TNRC18: variants seen among roughly 807,000 people sequenced by gnomAD.
TNRC18 encodes trinucleotide repeat-containing gene 18 protein.
A neutral mutation model predicts 226.7 loss-of-function variants in TNRC18; 69 were observed. That is an observed-to-expected ratio of 0.30 (90% CI 0.25 to 0.37). The LOEUF is 0.37. Ranked by LOEUF, TNRC18 falls within the 10% of genes least tolerant of loss-of-function variation. The pLI, the probability that TNRC18 is intolerant of heterozygous loss-of-function variation, is 1.00. For synonymous variants in TNRC18, 2,449 were observed against 1,927.6 expected (o/e 1.27, Z -7.09); for missense variants, 4,754 against 4,256.6 (o/e 1.12, Z -3.25).
Position 5,351,829 on chromosome 7 carries a change from C to T in TNRC18, c.5460G>A (p.Ser1820=), listed in dbSNP as rs747508822. 1.9e-6 allele frequency: 3 copies of T among 1,586,150 alleles called. No individual in the cohort carries two copies. Among genetic ancestry groups the T allele is most frequent in the East Asian group, 2.2e-5 (1 of 44,550 alleles). ...TTTGGAGCTAGTAACCTTGGTCAAA[C>T]GATTCCTCCGAAGAGTCGCTGAAGG... ...RSSFSDSSEE[S]FDQDESSEEE... is the part of the protein sequence containing the mutation. Residue 1820 remains serine (S), a synonymous_variant, in exon 17 of 30, where the codon TCG becomes TCA. Transcript: ENST00000430969.
intron 19 of TNRC18, among the ~76,000 whole-genome samples, chr7:5,326,639 C>T (rs1456965080): frequency 1.3e-5 from 2 of 151,984 alleles, no homozygotes; most frequent in African/African-American, 2.4e-5. Context: ...AAAAGGGACA[C>T]GTCTAAAACA....
intron 23 of TNRC18, 50 bp downstream of exon 23, chr7:5,320,482 G>A: frequency 6.4e-7 from 1 of 1,569,250 alleles, no homozygotes; most frequent in Non-Finnish European, 8.6e-7. Flanking sequence ...CATGGCCTTG[G>A]ACACCCAGCC....
intron 18 of TNRC18, 44 bp downstream of exon 18, chr7:5,345,518 C>CCCCCCCCCCCCCCCCCCCCCCCCCCA: frequency 6.0e-6 from 1 of 167,666 alleles, no homozygotes; most frequent in Non-Finnish European, 1.2e-5. Context: ...ATGGCGTCCG[C>CCCCCCCCCCCCCCCCCCCCCCCCCCA]CCCTCCCACC....
At chr7:5,385,504 A>G (rs1237835773) in intron 5 of TNRC18, among the ~76,000 whole-genome samples, 8 of 86,248 alleles carry the variant, frequency 9.3e-5, no homozygotes, top group Non-Finnish European at 1.4e-4. Context: ...CAAAAAAAAA[A>G]AAAAAAAAAA....
intron 21 of TNRC18, among the ~76,000 whole-genome samples, chr7:5,321,977 T>C (rs1390050844): frequency 6.6e-6 from 1 of 151,554 alleles, no homozygotes; most frequent in South Asian, 2.1e-4. Flanking sequence ...GGCCTCTTTC[T>C]TTTTTTTAAT....
Position 5,361,856 on chromosome 7 carries a change from C to A in TNRC18, c.4532+41G>T, listed in dbSNP as rs1285565744. ...CTGCGCGCCTGGGGGCCTGGTGGGC[C>A]GGGGCAGGGGCCCCACGGGGCGGGC... On this transcript the variant is annotated intron_variant, in intron 13 of 29. Coordinates refer to ENST00000430969, the MANE Select transcript of TNRC18 (RefSeq NM_001080495.3). The A allele has an allele frequency of 2.2e-5, 33 of 1,512,906 alleles. No individual in the cohort carries two copies. In the South Asian group the frequency reaches 4.1e-4, roughly 19 times the overall value. The allele number at this position is 1,512,906 out of a possible 1,614,324, so 93.7% of individuals were successfully genotyped here.
At chr7:5,329,801 T>C (rs1330468651) in intron 19 of TNRC18, 2 of 403,224 alleles carry the variant, frequency 5.0e-6, no homozygotes, top group East Asian at 1.5e-4. Flanking sequence ...TTCTGGCTCC[T>C]TAACCACTGG....
intron 2 of TNRC18, among the ~76,000 whole-genome samples, chr7:5,417,417 C>G (rs1782260530): frequency 6.6e-6 from 1 of 152,124 alleles, no homozygotes. Flanking sequence ...TTGCAATGAG[C>G]TGAGATCACG....
chr7:5,392,584 C>A (rs1170913252), intron 3 of TNRC18, among the ~76,000 whole-genome samples: 2 of 151,968 alleles, frequency 1.3e-5, no homozygotes, highest in Admixed American at 6.6e-5. Context: ...ACTATATACT[C>A]TAGCCTGGGC....
Position 5,374,184 on chromosome 7 carries a change from G to T in TNRC18, c.3100C>A (p.Pro1034Thr). ...GTGGGCGGTGGGGAGGCGGGCGGCGGGCTGGTGGGGTGGGAGCTGGGGGTG... is the reference window on the plus strand; with the variant it reads ...GTGGGCGGTGGGGAGGCGGGCGGCGTGCTGGTGGGGTGGGAGCTGGGGGTG... ...PATPSSHPTS[P>T]PPASPPPTPG... is the part of the protein sequence containing the mutation. The change falls in exon 10 of 30, where the codon CCG (proline) becomes ACG (threonine). Residue 1034 changes from proline to threonine, a missense_variant. Pro to Thr is a conservative substitution (Grantham distance 38). Transcript: ENST00000430969. The T allele has an allele frequency of 7.1e-7, 1 of 1,406,744 alleles. No homozygotes were observed. Among genetic ancestry groups the T allele is most frequent in the Non-Finnish European group, 9.3e-7 (1 of 1,080,280 alleles). The allele number at this position is 1,406,744 out of a possible 1,614,324, so 87.1% of individuals were successfully genotyped here. A position where few individuals can be genotyped will look rare whatever the true frequency, so the allele number is the denominator to read the frequency against.
At chr7:5,367,863 C>T (rs559369931) in intron 11 of TNRC18, among the ~76,000 whole-genome samples, 6 of 152,192 alleles carry the variant, frequency 3.9e-5, no homozygotes, top group African/African-American at 1.4e-4. Context: ...CTCACACAGG[C>T]CAATGGCAGC....
rs1180482590 is a variant in TNRC18, at chr7:5,421,296, C to T, written c.-50G>A. 2.4e-5 allele frequency: 30 copies of T among 1,241,870 alleles called. No individual in the cohort carries two copies. The highest frequency in any genetic ancestry group is 2.9e-5 in the Non-Finnish European group (29 of 989,924). 76.9% of individuals were successfully genotyped at this position (1,241,870 alleles called of 1,614,324 possible). On this transcript the variant is annotated 5_prime_UTR_variant, in exon 2 of 30. Transcript: ENST00000430969. ...CCCCCCACCCGGCCCGCAGGCCTAG[C>T]TCAGTGGGACCTAAAAGTTCGGCCT...
intron 8 of TNRC18, 53 bp downstream of exon 8, chr7:5,376,794 T>G (rs1583978341): frequency 1.3e-6 from 2 of 1,581,218 alleles, no homozygotes; most frequent in South Asian, 2.3e-5. Flanking sequence ...AGAGACCATC[T>G]CGCTGGGCAT....
At chr7:5,386,812 G>A (rs371933161) in intron 5 of TNRC18, among the ~76,000 whole-genome samples, 9 of 152,018 alleles carry the variant, frequency 5.9e-5, no homozygotes, top group Non-Finnish European at 8.8e-5. Context: ...AGTGACTCAC[G>A]CCTGTAATGC....
intron 18 of TNRC18, among the ~76,000 whole-genome samples, chr7:5,334,545 C>T (rs1383204740): frequency 2.6e-5 from 4 of 151,814 alleles, no homozygotes; most frequent in African/African-American, 9.7e-5. Flanking sequence ...GATCTGCCTG[C>T]CTCGGCCTCC....
chr7:5,389,241 G>C lies in TNRC18; in HGVS notation c.583C>G (p.Pro195Ala), dbSNP rs747477975. 232 of 1,325,114 alleles carry C rather than the reference G, an allele frequency of 1.8e-4. No homozygotes were observed. The highest frequency in any genetic ancestry group is 2.1e-4 in the Non-Finnish European group (218 of 1,038,178). The allele number at this position is 1,325,114 out of a possible 1,614,324, so 82.1% of individuals were successfully genotyped here. Reference protein sequence around the residue: ...TPGGGHSSGAPAKGSSSRDGP... With the variant: ...TPGGGHSSGAAAKGSSSRDGP... ...TCCCGCGACGACGAGCCTTTGGCCG[G>C]GGCGCCCGAGGAGTGGCCGCCGCCA... The change falls in exon 5 of 30, where the codon CCG becomes GCG. Residue 195 changes from proline (P) to alanine (A), a missense_variant. By Grantham distance (27) the Pro-to-Ala change is conservative. Coordinates refer to ENST00000430969, the MANE Select transcript of TNRC18 (RefSeq NM_001080495.3).
At chr7:5,384,114 G>A (rs1182748963) in intron 5 of TNRC18, among the ~76,000 whole-genome samples, 6 of 152,032 alleles carry the variant, frequency 3.9e-5, no homozygotes, top group Middle Eastern at 3.2e-3. Flanking sequence ...ACAGGTATGT[G>A]CCACCACACT....
intron 11 of TNRC18, among the ~76,000 whole-genome samples, chr7:5,364,793 G>C (rs1308580771): frequency 6.9e-6 from 1 of 145,730 alleles, no homozygotes; most frequent in East Asian, 2.0e-4. Flanking sequence ...AACAGAGGGA[G>C]GCTGTCTCAG....
rs768847181 is a variant in TNRC18, at chr7:5,316,053, G to A, written c.6765C>T (p.Asp2255=). 29 of 1,610,698 alleles carry A rather than the reference G, an allele frequency of 1.8e-5. No homozygotes were observed. The highest frequency in any genetic ancestry group is 2.2e-5 in the Non-Finnish European group (26 of 1,178,510). The part of the protein sequence containing the change: ...TVVRGLLDLE[D]DGDLITVEFD... ...ACTCCACGGTGATCAAGTCCCCATC[G>A]TCCTCCAGGTCCAGTAACCCTGTGG... The change falls in exon 25 of 30, where the codon GAC becomes GAT. Residue 2255 remains aspartate, a synonymous_variant. Coordinates refer to ENST00000430969, the MANE Select transcript of TNRC18 (RefSeq NM_001080495.3).
Sources: gnomAD v4.1 joint callset for allele counts (sites outside exome capture counted in the v4.1 genomes callset) on GRCh38, gnomAD v4.1.1 for gene constraint, MANE v1.5 for transcripts, NCBI Gene and HGNC (gene_info 2026-07-23, HGNC 2026-07-21) for gene names.